The following FAM83A variants were observed in gnomAD, a reference collection of about 807,000 sequenced individuals.
FAM83A encodes scaffolding CK1 anchoring protein A, also known as protein FAM83A.
A neutral mutation model predicts 24.4 loss-of-function variants in FAM83A; 21 were observed. That is an observed-to-expected ratio of 0.86 (90% CI 0.61 to 1.24). The LOEUF is 1.24. Among genes scored for constraint, FAM83A ranks in the 50% most tolerant of loss-of-function variants. FAM83A has a pLI of 0.00. For synonymous variants in FAM83A, 270 were observed against 252.4 expected, an observed-to-expected ratio of 1.07 and a Z score of -0.66; for missense variants, 617 against 579.8, an observed-to-expected ratio of 1.06 and a Z score of -0.66.
intron 3 of FAM83A, among the ~76,000 whole-genome samples, chr8:123,194,607 C>G (rs1284966822): frequency 2.0e-5 from 3 of 152,028 alleles, no homozygotes; most frequent in African/African-American, 7.2e-5. Flanking sequence ...CCTCAGCCCC[C>G]CAAGTAGCTG....
intron 3 of FAM83A, among the ~76,000 whole-genome samples, chr8:123,197,755 A>C (rs1330809225): frequency 6.6e-6 from 1 of 152,250 alleles, no homozygotes; most frequent in Non-Finnish European, 1.5e-5. Context: ...CGAAGAAATC[A>C]AAGAACAGGT....
exon 4 of FAM83A, chr8:123,207,633 T>C (rs1375944456): frequency 1.3e-6 from 2 of 1,548,058 alleles, no homozygotes; most frequent in Non-Finnish European, 1.7e-6. Context: ...CTGGGCCTGG[T>C]GCCGAGGCTG....
chr8:123,207,269 G>C, exon 4 of FAM83A: 1 of 1,613,030 alleles, frequency 6.2e-7, no homozygotes, highest in South Asian at 1.1e-5. Flanking sequence ...CTCCAAGCCT[G>C]TGATGGGCCT....
Position 123,209,824 on chromosome 8 carries a change from G to A in FAM83A, c.*2136G>A. On this transcript the variant is annotated 3_prime_UTR_variant, in exon 4 of 4. Coordinates refer to ENST00000690554, the Ensembl canonical transcript of FAM83A. This position sits in a 1 kb window ranked among gnomAD's most constrained non-coding sequence, Gnocchi z 4.7. ...CTCCTCTCCTGGGCACCTGTAACATGTGATGCGCTGCCTGCTGGGAGGTTA... is the reference window on the plus strand; with the variant it reads ...CTCCTCTCCTGGGCACCTGTAACATATGATGCGCTGCCTGCTGGGAGGTTA... 4.4e-6 allele frequency: 2 copies of A among 457,486 alleles called. No homozygotes were observed. Among genetic ancestry groups the A allele is most frequent in the Admixed American group, 3.4e-5 (1 of 29,690 alleles). 28.3% of individuals were successfully genotyped at this position (457,486 alleles called of 1,614,324 possible). A position where few individuals can be genotyped will look rare whatever the true frequency, so the allele number is the denominator to read the frequency against.
chr8:123,201,405 G>C, intron 3 of FAM83A: 1 of 152,216 alleles, frequency 6.6e-6, no homozygotes, highest in East Asian at 1.9e-4. Flanking sequence ...AATACATGCA[G>C]GGCCGTCTGT....
rs150634358 is a variant in FAM83A at position 123,187,593 on chromosome 8, AT to A, written c.481-4208del. Among the ~76,000 whole-genome samples, 665 of 152,370 alleles carry A rather than the reference AT, an allele frequency of 4.4e-3. 4 individuals carry two copies. Among genetic ancestry groups the A allele is most frequent in the African/African-American group, 0.015 (638 of 41,588 alleles). ...TTATTACTGATATTTTAAAATAACT[AT>A]TAATAGTAAAGAACTATTTCAAAAA... is the stretch of plus-strand genomic sequence containing the variant. On this transcript the variant is annotated intron_variant, in intron 1 of 3. Coordinates refer to ENST00000690554, the Ensembl canonical transcript of FAM83A.
rs191270189 is a variant in FAM83A at position 123,196,499 on chromosome 8, G to T, written c.773+2351G>T. 1.8e-3 allele frequency among the ~76,000 whole-genome samples: 280 copies of T among 152,106 alleles called. 1 individual carries two copies. Among genetic ancestry groups the T allele is most frequent in the African/African-American group, 6.1e-3 (255 of 41,488 alleles). On this transcript the variant is annotated intron_variant, in intron 3 of 3. Transcript: ENST00000690554. ...TTTCATATTACTTCTTTTTTAGATA[G>T]CTCCTTTTTTTCTCTGCTTGCTACG...
intron 3 of FAM83A, among the ~76,000 whole-genome samples, chr8:123,203,105 A>AC (rs1824413857): frequency 6.6e-6 from 1 of 152,132 alleles, no homozygotes; most frequent in South Asian, 2.1e-4. Context: ...TGGGATTACT[A>AC]CCCACCATGC....
upstream of FAM83A, chr8:123,179,735 G>A (rs531661391): frequency 6.6e-5 from 10 of 152,266 alleles, no homozygotes; most frequent in South Asian, 1.2e-3. Flanking sequence ...AGTTTCTTTC[G>A]GATTCCTTTT....
chr8:123,196,943 T>A (rs1447909789), intron 3 of FAM83A, among the ~76,000 whole-genome samples: 1 of 152,116 alleles, frequency 6.6e-6, no homozygotes, highest in Non-Finnish European at 1.5e-5. Flanking sequence ...GCCTCATGGA[T>A]TGTATAAGTT....
At chr8:123,201,587 C>T (rs1009640077) in intron 3 of FAM83A, 1 of 152,114 alleles carries the variant, frequency 6.6e-6, no homozygotes, top group African/African-American at 2.4e-5. Flanking sequence ...AAAACAAAAA[C>T]AAACAAAGAA....
chr8:123,194,319 G>A (rs959451500), intron 3 of FAM83A, among the ~76,000 whole-genome samples, 171 bp downstream of exon 3: 1 of 152,198 alleles, frequency 6.6e-6, no homozygotes, highest in Non-Finnish European at 1.5e-5. Flanking sequence ...CAAGAAATGT[G>A]GACCCTTTCT....
chr8:123,198,521 C>T (rs528524645), intron 3 of FAM83A, among the ~76,000 whole-genome samples: 1 of 152,282 alleles, frequency 6.6e-6, no homozygotes, highest in East Asian at 1.9e-4. Context: ...GGGCTTCCTC[C>T]CTCTACCAAA....
chr8:123,208,588 AG>A, exon 4 of FAM83A: 17 of 985,566 alleles, frequency 1.7e-5, no homozygotes, highest in Non-Finnish European at 2.0e-5. Context: ...GAACCTCACA[AG>A]CCCCATCATT....
rs1239086029 is a variant in FAM83A, at chr8:123,183,347, C to G, written c.480+11C>G. 2.5e-6 allele frequency: 4 copies of G among 1,602,088 alleles called. No homozygotes were observed. Among genetic ancestry groups the G allele is most frequent in the Non-Finnish European group, 3.4e-6 (4 of 1,172,762 alleles). ...ACCCGGACTAGCCAGGTACCGATGG[C>G]AAAGCCCCTGTCTCCGTGGCCAAGT... On this transcript the variant is annotated intron_variant, in intron 1 of 3. Transcript: ENST00000690554.
chr8:123,185,487 C>G (rs1471772307), intron 1 of FAM83A, among the ~76,000 whole-genome samples: 1 of 152,216 alleles, frequency 6.6e-6, no homozygotes, highest in South Asian at 2.1e-4. Flanking sequence ...ACCCTGACAC[C>G]GCTGATGTCC....
At chr8:123,185,988 AC>A (rs1823778188) in intron 1 of FAM83A, among the ~76,000 whole-genome samples, 1 of 151,954 alleles carries the variant, frequency 6.6e-6, no homozygotes, top group Non-Finnish European at 1.5e-5. Flanking sequence ...ATGGGGTTTC[AC>A]CATGTTGGCC....
intron 3 of FAM83A, among the ~76,000 whole-genome samples, chr8:123,199,318 C>A (rs947913839): frequency 6.6e-6 from 1 of 152,126 alleles, no homozygotes; most frequent in African/African-American, 2.4e-5. Context: ...GAAAAGGATT[C>A]GTGAGTTTTA....
At chr8:123,181,125 T>C (rs1586769875), upstream of FAM83A, among the ~76,000 whole-genome samples, 1 of 152,074 alleles carries the variant, frequency 6.6e-6, no homozygotes, top group Non-Finnish European at 1.5e-5. Context: ...TTTTGTATTT[T>C]TAGTAGCGAC....
Sources: allele counts gnomAD v4.1 joint callset (sites outside exome capture counted in the v4.1 genomes callset), GRCh38; gene constraint gnomAD v4.1.1; non-coding constraint Gnocchi (gnomAD v3.1); transcripts MANE v1.5; gene names NCBI Gene and HGNC (gene_info 2026-07-23, HGNC 2026-07-21).